Variants in ZFPM2 observed in about 807,000 individuals in gnomAD.
ZFPM2 encodes the protein zinc finger protein ZFPM2.
In ZFPM2, 20 loss-of-function variants were observed where a neutral mutation model predicts 98.6. That is an observed-to-expected ratio of 0.20 (90% CI 0.14 to 0.29). The LOEUF (loss-of-function observed/expected upper bound fraction) is 0.29. ZFPM2 is among the 10% of genes least tolerant of loss of function. The probability of loss-of-function intolerance (pLI) is 1.00; values close to 1 mark genes in which losing one functional copy is unlikely to be tolerated. For synonymous variants in ZFPM2, 518 were observed against 502.7 expected, an observed-to-expected ratio of 1.03 and a Z score of -0.41; for missense variants, 1,310 against 1,388.6, an observed-to-expected ratio of 0.94 and a Z score of 0.90.
intron 2 of ZFPM2, 21 bp downstream of exon 2, chr8:105,419,323 G>C: frequency 5.0e-6 from 8 of 1,609,136 alleles, no homozygotes; most frequent in Non-Finnish European, 6.8e-6. Flanking sequence ...ATGGTTGGAT[G>C]TAATATGTGA....
chr8:105,330,613 C>CAT (rs56037877), intron 1 of ZFPM2, among the ~76,000 whole-genome samples: 105 of 90,720 alleles, frequency 1.2e-3, no homozygotes, highest in East Asian at 1.9e-3. Flanking sequence ...TATATATACA[C>CAT]ATATATATAT....
intron 2 of ZFPM2, among the ~76,000 whole-genome samples, chr8:105,425,753 G>C (rs186661083): frequency 6.6e-6 from 1 of 152,204 alleles, no homozygotes; most frequent in East Asian, 1.9e-4. Flanking sequence ...CTAAGTTAAG[G>C]TTATTGGCAT....
chr8:105,670,388 C>T (rs369501341), intron 5 of ZFPM2, among the ~76,000 whole-genome samples: 1 of 144,824 alleles, frequency 6.9e-6, no homozygotes, highest in Non-Finnish European at 1.5e-5. Flanking sequence ...CCCAGCTACT[C>T]GGGAGGTTGA....
intron 5 of ZFPM2, among the ~76,000 whole-genome samples, chr8:105,723,773 T>C (rs1811732560): frequency 6.6e-6 from 1 of 151,892 alleles, no homozygotes; most frequent in Admixed American, 6.6e-5. Context: ...GTTAGCCCGT[T>C]CCTTTCTGCC....
At chr8:105,319,996 TA>T (rs1811990490) in intron 1 of ZFPM2, among the ~76,000 whole-genome samples, 1 of 152,184 alleles carries the variant, frequency 6.6e-6, no homozygotes, top group Admixed American at 6.5e-5. Flanking sequence ...CTTATTAGTT[TA>T]TTTTTTGCTA....
At chr8:105,481,268 T>C (rs1813111945) in intron 3 of ZFPM2, among the ~76,000 whole-genome samples, 1 of 152,140 alleles carries the variant, frequency 6.6e-6, no homozygotes, top group South Asian at 2.1e-4. Context: ...CTGCTTGAGC[T>C]TCTATAACAA....
chr8:105,436,842 T>C (rs1436352620), intron 2 of ZFPM2, among the ~76,000 whole-genome samples: 2 of 152,190 alleles, frequency 1.3e-5, no homozygotes, highest in East Asian at 3.9e-4. Flanking sequence ...TACCTAGTGC[T>C]GAGTAGTGCT....
chr8:105,619,352 C>T lies in ZFPM2; in HGVS notation c.421-14894C>T, dbSNP rs2651504. 1.6e-4 allele frequency among the ~76,000 whole-genome samples: 24 copies of T among 151,958 alleles called. No homozygotes were observed. In the East Asian group the frequency reaches 3.3e-3, roughly 21 times the overall value. The stretch of plus-strand genomic sequence containing the variant: ...CTTGATTATTAATATTGACAATCTA[C>T]GTATATGTCATTTAGATATTTTTAT... On this transcript the variant is annotated intron_variant, in intron 4 of 7. Transcript: ENST00000407775.
At chr8:105,745,725 G>C (rs757859811) in intron 5 of ZFPM2, among the ~76,000 whole-genome samples, 5 of 152,088 alleles carry the variant, frequency 3.3e-5, no homozygotes, top group Non-Finnish European at 5.9e-5. Context: ...GAGAATGGCA[G>C]TTCCTTCTGC....
chr8:105,520,379 CAATT>C (rs1267976122), intron 3 of ZFPM2, among the ~76,000 whole-genome samples: 8 of 151,956 alleles, frequency 5.3e-5, no homozygotes, highest in Non-Finnish European at 1.2e-4. Context: ...ACATGCATGT[CAATT>C]ACTTACTAAT....
At chr8:105,677,937 A>G (rs1211312970) in intron 5 of ZFPM2, among the ~76,000 whole-genome samples, 24 of 152,140 alleles carry the variant, frequency 1.6e-4, no homozygotes, top group Non-Finnish European at 8.8e-5. Context: ...CAAATAGCCA[A>G]TGTTGTATAT....
In ZFPM2 at chr8:105,790,969, A is replaced by G. The variant is rs532099792; in HGVS notation, c.739+2045A>G. 2.0e-5 allele frequency among the ~76,000 whole-genome samples: 3 copies of G among 152,360 alleles called. No individual in the cohort carries two copies. In the South Asian group the frequency reaches 6.2e-4, roughly 32 times the overall value. On this transcript the variant is annotated intron_variant, in intron 6 of 7. Transcript: ENST00000407775. ...TCCTGAGACTTTGCTGAAGTTGCTTATCAGCTTAAGGAGATTTGGGGCTGA... is the reference window on the plus strand; with the variant it reads ...TCCTGAGACTTTGCTGAAGTTGCTTGTCAGCTTAAGGAGATTTGGGGCTGA...
intron 1 of ZFPM2, among the ~76,000 whole-genome samples, chr8:105,411,017 C>T (rs936492686): frequency 6.6e-6 from 1 of 151,820 alleles, no homozygotes; most frequent in African/African-American, 2.4e-5. Context: ...GGATTTCACA[C>T]TGTTTAGTGG....
chr8:105,576,907 T>G (rs1176753855), intron 4 of ZFPM2, among the ~76,000 whole-genome samples: 1 of 152,178 alleles, frequency 6.6e-6, no homozygotes, highest in Non-Finnish European at 1.5e-5. Context: ...TGGTTTATTT[T>G]GCTCAAGCTT....
intron 1 of ZFPM2, chr8:105,414,927 C>T (rs560412767): frequency 6.6e-6 from 1 of 152,064 alleles, no homozygotes; most frequent in South Asian, 2.1e-4. Flanking sequence ...CACCTTAGGC[C>T]CAGATTGCAC....
At chr8:105,645,274 T>C (rs1355961091) in intron 5 of ZFPM2, among the ~76,000 whole-genome samples, 3 of 152,258 alleles carry the variant, frequency 2.0e-5, no homozygotes, top group Non-Finnish European at 4.4e-5. Context: ...ACTTTGCTCC[T>C]TTCACATTTA....
At chr8:105,349,213 C>A (rs1337473686) in intron 1 of ZFPM2, among the ~76,000 whole-genome samples, 1 of 152,048 alleles carries the variant, frequency 6.6e-6, no homozygotes, top group Non-Finnish European at 1.5e-5. Flanking sequence ...AGTCATGAAG[C>A]TATTCGGGCT....
chr8:105,520,402 G>A (rs1458357838), intron 3 of ZFPM2, among the ~76,000 whole-genome samples: 2 of 152,104 alleles, frequency 1.3e-5, no homozygotes, highest in Non-Finnish European at 2.9e-5. Flanking sequence ...ATATCAACGG[G>A]ATGTGAAGGC....
At chr8:105,366,198 G>GAGGTCAGT (rs1475672717) in intron 1 of ZFPM2, among the ~76,000 whole-genome samples, 1 of 152,124 alleles carries the variant, frequency 6.6e-6, no homozygotes, top group African/African-American at 2.4e-5. Context: ...TTCATTGTGT[G>GAGGTCAGT]TGGAAGTTAC....
Sources: gnomAD v4.1 joint callset for allele counts (sites outside exome capture counted in the v4.1 genomes callset) on GRCh38, gnomAD v4.1.1 for gene constraint, MANE v1.5 for transcripts, NCBI Gene and HGNC (gene_info 2026-07-23, HGNC 2026-07-21) for gene names.